Variants in PLPP4 observed in about 807,000 individuals in gnomAD.
The protein encoded by PLPP4 is phospholipid phosphatase 4, also known as diacylglycerol pyrophosphate like 2.
PLPP4 carries 20 observed loss-of-function variants against 32.2 expected under a neutral mutation model. The observed-to-expected ratio is 0.62, with a 90% CI of 0.44 to 0.90. PLPP4 has a LOEUF of 0.90. PLPP4 is among the 40% of genes least tolerant of loss of function. The probability of loss-of-function intolerance (pLI) is 0.00; values close to 1 mark genes in which losing one functional copy is unlikely to be tolerated. For missense variants in PLPP4, 257 were observed against 353.1 expected (o/e 0.73, Z 2.18); for synonymous variants, 127 against 133.0 (o/e 0.95, Z 0.31).
At chr10:120,467,679 C>A (rs369020871) in intron 1 of PLPP4, among the ~76,000 whole-genome samples, 2 of 65,036 alleles carry the variant, frequency 3.1e-5, no homozygotes, top group African/African-American at 6.6e-5. Flanking sequence ...GCAACAGATA[C>A]GAGCAGAAAA....
At chr10:120,526,713 G>C (rs1362624828) in intron 5 of PLPP4, among the ~76,000 whole-genome samples, 3 of 152,200 alleles carry the variant, frequency 2.0e-5, no homozygotes, top group Admixed American at 1.3e-4. Context: ...AGTTGGAAAG[G>C]GGATGGTTTC....
At chr10:120,549,083 CATTATTATT>C (rs141726828) in intron 5 of PLPP4, among the ~76,000 whole-genome samples, 1 of 150,182 alleles carries the variant, frequency 6.7e-6, no homozygotes, top group Non-Finnish European at 1.5e-5. Flanking sequence ...CTGAACTTGC[CATTATTATT>C]ATTATTATTA....
At chr10:120,536,727 T>G (rs1053640988) in intron 5 of PLPP4, among the ~76,000 whole-genome samples, 4 of 149,860 alleles carry the variant, frequency 2.7e-5, no homozygotes, top group African/African-American at 9.8e-5. Flanking sequence ...CTGATGTTTT[T>G]GCACAGTAAA....
At chr10:120,473,550 A>G (rs570905733) in intron 1 of PLPP4, among the ~76,000 whole-genome samples, 56 of 152,270 alleles carry the variant, frequency 3.7e-4, no homozygotes, top group African/African-American at 1.2e-3. Context: ...AATAATTTGA[A>G]GGAAATTTAT....
intron 1 of PLPP4, among the ~76,000 whole-genome samples, chr10:120,476,630 C>T (rs1266324501): frequency 1.3e-5 from 2 of 152,204 alleles, no homozygotes; most frequent in Non-Finnish European, 2.9e-5. Flanking sequence ...CAAACCCACA[C>T]TCAGATGCAA....
chr10:120,546,560 T>C (rs1459610776), intron 5 of PLPP4, among the ~76,000 whole-genome samples: 4 of 152,178 alleles, frequency 2.6e-5, no homozygotes, highest in Non-Finnish European at 5.9e-5. Context: ...GCACATTCTC[T>C]CTCCTCCAGC....
intron 2 of PLPP4, among the ~76,000 whole-genome samples, chr10:120,505,268 G>A (rs958655995): frequency 2.6e-5 from 4 of 152,226 alleles, no homozygotes; most frequent in Non-Finnish European, 5.9e-5. Flanking sequence ...CTGCCCTGAG[G>A]GTTGGGGGCA....
intron 3 of PLPP4, among the ~76,000 whole-genome samples, chr10:120,518,252 G>T (rs1846011856): frequency 6.6e-6 from 1 of 152,186 alleles, no homozygotes; most frequent in Non-Finnish European, 1.5e-5. Context: ...ATGGCAAAAA[G>T]CACCGCCCGG....
At position 120,520,868 on chromosome 10, in the gene PLPP4, G is replaced by A. The variant is rs1383354010; in HGVS notation, c.321-103G>A. 1.6e-5 allele frequency: 22 copies of A among 1,412,460 alleles called. No homozygotes were observed. In the Admixed American group the frequency reaches 3.0e-4, roughly 19 times the overall value. The allele number at this position is 1,412,460 out of a possible 1,614,324, so 87.5% of individuals were successfully genotyped here. ...AGCTCCAGTGTTGACAGCCAAGGGG[G>A]CTGAGGAAAGAGCTGGGGGCAGTGG... is the stretch of plus-strand genomic sequence containing the variant. On this transcript the variant is annotated intron_variant, in intron 4 of 6. Coordinates refer to ENST00000398250, the MANE Select transcript of PLPP4 (RefSeq NM_001030059.3).
At chr10:120,496,843 C>T (rs1358121116) in intron 1 of PLPP4, among the ~76,000 whole-genome samples, 6 of 150,570 alleles carry the variant, frequency 4.0e-5, no homozygotes, top group Non-Finnish European at 7.4e-5. Context: ...CAGAATTAAC[C>T]AACAAGAGCA....
In PLPP4 at chr10:120,458,744, T is replaced by A. The variant is rs530207341; in HGVS notation, c.56+1383T>A. Among the ~76,000 whole-genome samples the A allele has an allele frequency of 2.0e-5, 3 of 152,304 alleles. No individual in the cohort carries two copies. The South Asian group carries it at 6.2e-4, about 32-fold the overall frequency. On this transcript the variant is annotated intron_variant, in intron 1 of 6. Transcript: ENST00000398250. ...GGAAAAACAAAACACTCTTCCCTTC[T>A]CCTACTCTATTTTCTACCTTTGGAA...
At chr10:120,486,806 T>C (rs1290808205) in intron 1 of PLPP4, among the ~76,000 whole-genome samples, 1 of 152,176 alleles carries the variant, frequency 6.6e-6, no homozygotes, top group African/African-American at 2.4e-5. Flanking sequence ...AAGGGAATGG[T>C]GTGACGAGCT....
chr10:120,531,394 G>A (rs896672709), intron 5 of PLPP4, among the ~76,000 whole-genome samples: 2 of 152,066 alleles, frequency 1.3e-5, no homozygotes, highest in East Asian at 1.9e-4. Context: ...GTGAGCCACC[G>A]TGCCTGGCAG....
intron 6 of PLPP4, chr10:120,587,614 T>C (rs924457528): frequency 1.3e-5 from 2 of 152,128 alleles, no homozygotes; most frequent in Non-Finnish European, 2.9e-5. Flanking sequence ...AATATGAAAA[T>C]ATTGTCCCCG....
chr10:120,568,963 G>A (rs1299796101), intron 5 of PLPP4, among the ~76,000 whole-genome samples: 3 of 152,172 alleles, frequency 2.0e-5, no homozygotes, highest in South Asian at 4.1e-4. Context: ...CCCCAACCAG[G>A]TGCGGTGGCT....
chr10:120,516,262 G>A (rs575829460), intron 3 of PLPP4, among the ~76,000 whole-genome samples: 2 of 152,268 alleles, frequency 1.3e-5, no homozygotes, highest in South Asian at 4.1e-4. Flanking sequence ...TCGACCAGGA[G>A]GTTTAGTTCT....
chr10:120,530,173 G>A (rs566982290), intron 5 of PLPP4, among the ~76,000 whole-genome samples: 4 of 152,220 alleles, frequency 2.6e-5, no homozygotes, highest in African/African-American at 7.2e-5. Context: ...GCATCAAAAT[G>A]CATAAATCAT....
chr10:120,473,799 G>A (rs371767266), intron 1 of PLPP4, among the ~76,000 whole-genome samples: 6 of 152,052 alleles, frequency 3.9e-5, no homozygotes, highest in African/African-American at 7.2e-5. Context: ...GCCAGGTGAC[G>A]ATGTGCTCGC....
chr10:120,457,238 G>T lies in PLPP4; in HGVS notation c.-68G>T. 1 of 1,326,314 alleles carries T rather than the reference G, an allele frequency of 7.5e-7. No individual in the cohort carries two copies. The allele number at this position is 1,326,314 out of a possible 1,614,324, so 82.2% of individuals were successfully genotyped here. A position where few individuals can be genotyped will look rare whatever the true frequency, so the allele number is the denominator to read the frequency against. On this transcript the variant is annotated 5_prime_UTR_variant, in exon 1 of 7. Transcript: ENST00000398250. ...TCGCCTCCCAGGGTCTGGCGAGCCG[G>T]CGCCGGCCGAGCTGCGGGAGCCGCG... is the stretch of plus-strand genomic sequence containing the variant.
Sources: gnomAD v4.1 joint callset for allele counts (sites outside exome capture counted in the v4.1 genomes callset) on GRCh38, gnomAD v4.1.1 for gene constraint, MANE v1.5 for transcripts, NCBI Gene and HGNC (gene_info 2026-07-23, HGNC 2026-07-21) for gene names.